The following PPP6C variants were observed in gnomAD, a reference collection of about 807,000 sequenced individuals.
PPP6C encodes protein phosphatase 6 catalytic subunit, also known as serine/threonine-protein phosphatase 6 catalytic subunit.
A neutral mutation model predicts 39.8 loss-of-function variants in PPP6C; 11 were observed. That is an observed-to-expected ratio of 0.28 (90% CI 0.17 to 0.46). PPP6C has a LOEUF of 0.46. Among genes scored for constraint, PPP6C ranks in the 20% least tolerant of loss-of-function variants. The pLI is 1.00. For missense variants in PPP6C, 211 were observed against 373.9 expected (o/e 0.56, Z 3.59); for synonymous variants, 129 against 130.3 (o/e 0.99, Z 0.07).
intron 2 of PPP6C, among the ~76,000 whole-genome samples, chr9:125,168,813 G>A (rs930674314): frequency 6.6e-6 from 1 of 150,696 alleles, no homozygotes; most frequent in Admixed American, 6.7e-5. Flanking sequence ...CCAGGCTGGG[G>A]TGCAATGCAT....
At chr9:125,184,032 G>C (rs1353963587) in intron 1 of PPP6C, among the ~76,000 whole-genome samples, 1 of 152,166 alleles carries the variant, frequency 6.6e-6, no homozygotes, top group Non-Finnish European at 1.5e-5. Flanking sequence ...GCCAAGGCAG[G>C]AGAATCACCT....
At chr9:125,175,397 G>T (rs1829274412) in intron 1 of PPP6C, among the ~76,000 whole-genome samples, 1 of 152,052 alleles carries the variant, frequency 6.6e-6, no homozygotes, top group South Asian at 2.1e-4. Flanking sequence ...CCAGCACTTT[G>T]GGAGGCCGAG....
Position 125,146,584 on chromosome 9 carries a change from G to C in PPP6C, c.*3089C>G, listed in dbSNP as rs1003461106. Reference sequence around the variant, plus strand: ...GTCAAGCAACCAAGTGGAGGAATAAGCATTTTTTAATTTCTTATATAAAAT... The same window carrying C: ...GTCAAGCAACCAAGTGGAGGAATAACCATTTTTTAATTTCTTATATAAAAT... On this transcript the variant is annotated 3_prime_UTR_variant, in exon 7 of 7. Transcript: ENST00000373547. The C allele has an allele frequency of 1.2e-4, 18 of 151,830 alleles. No individual in the cohort carries two copies. Among genetic ancestry groups the C allele is most frequent in the African/African-American group, 3.6e-4 (15 of 41,336 alleles). The allele number at this position is 151,830 out of a possible 1,614,324, so 9.4% of individuals were successfully genotyped here. A position where few individuals can be genotyped will look rare whatever the true frequency, so the allele number is the denominator to read the frequency against.
At chr9:125,171,481 ATATAT>A (rs1829160289) in intron 1 of PPP6C, among the ~76,000 whole-genome samples, 1 of 22,544 alleles carries the variant, frequency 4.4e-5, no homozygotes, top group African/African-American at 1.8e-4. Context: ...ACACACACAT[ATATAT>A]ATATATATAT....
At chr9:125,177,233 G>A (rs1196407393) in intron 1 of PPP6C, among the ~76,000 whole-genome samples, 1 of 152,120 alleles carries the variant, frequency 6.6e-6, no homozygotes, top group African/African-American at 2.4e-5. Context: ...AATTAGCCGG[G>A]CGTGGTGGCG....
chr9:125,178,934 G>T (rs1206189311), intron 1 of PPP6C, among the ~76,000 whole-genome samples: 3 of 152,094 alleles, frequency 2.0e-5, no homozygotes, highest in African/African-American at 7.2e-5. Flanking sequence ...TTATCTGCAG[G>T]CCAGGCATGG....
At chr9:125,152,128 G>GA (rs1835963545) in intron 6 of PPP6C, among the ~76,000 whole-genome samples, 1 of 151,410 alleles carries the variant, frequency 6.6e-6, no homozygotes, top group South Asian at 2.1e-4. Flanking sequence ...GGGGGTGGTT[G>GA]AGGGGGGAGG....
chr9:125,168,665 G>A (rs1019214823), intron 2 of PPP6C, among the ~76,000 whole-genome samples: 2 of 151,692 alleles, frequency 1.3e-5, no homozygotes, highest in African/African-American at 4.8e-5. Flanking sequence ...CACCATATTT[G>A]CCAGGATGGT....
At chr9:125,167,451 T>G (rs111347393) in intron 2 of PPP6C, among the ~76,000 whole-genome samples, 1 of 144,004 alleles carries the variant, frequency 6.9e-6, no homozygotes, top group East Asian at 2.1e-4. Context: ...TCCCAGCACT[T>G]TGGGAGGCCG....
chr9:125,184,948 T>C (rs78929497), intron 1 of PPP6C, among the ~76,000 whole-genome samples: 3,020 of 120,834 alleles, frequency 0.025, 107 homozygotes, highest in African/African-American at 0.09. Flanking sequence ...GCCTGGGCAA[T>C]AGAGTTAGAT....
At chr9:125,164,690 G>A (rs1021808003) in intron 2 of PPP6C, among the ~76,000 whole-genome samples, 2 of 152,134 alleles carry the variant, frequency 1.3e-5, no homozygotes, top group Admixed American at 6.5e-5. Context: ...TCCCACCTCA[G>A]CCTCCTGAGT....
At position 125,189,792 on chromosome 9, in the gene PPP6C, A is replaced by G. The variant is rs866520303; in HGVS notation, c.-74T>C. The G allele has an allele frequency of 1.1e-5, 17 of 1,499,164 alleles. No individual in the cohort carries two copies. In the Middle Eastern group the frequency reaches 3.0e-3, roughly 268 times the overall value. 92.9% of individuals were successfully genotyped at this position (1,499,164 alleles called of 1,614,324 possible). On this transcript the variant is annotated 5_prime_UTR_variant, in exon 1 of 7. Coordinates refer to ENST00000373547, the MANE Select transcript of PPP6C (RefSeq NM_002721.5). ...CGGCGGCGGCAGCGGCGGAGGCCGA[A>G]GCCGGAACTTTCCCTGCGTCACGTC...
chr9:125,163,069 A>G (rs1828922463), intron 2 of PPP6C, among the ~76,000 whole-genome samples: 1 of 151,848 alleles, frequency 6.6e-6, no homozygotes, highest in African/African-American at 2.4e-5. Context: ...ACACAGCAAG[A>G]CTCTGTCTCA....
At chr9:125,172,518 A>G (rs1341168567) in intron 1 of PPP6C, among the ~76,000 whole-genome samples, 1 of 152,134 alleles carries the variant, frequency 6.6e-6, no homozygotes, top group Non-Finnish European at 1.5e-5. Flanking sequence ...GTGTTTACAC[A>G]TTCTTGAAAT....
At chr9:125,189,093 G>A (rs1829602615) in intron 1 of PPP6C, 3 of 611,940 alleles carry the variant, frequency 4.9e-6, no homozygotes, top group Admixed American at 2.5e-5. Flanking sequence ...GCAATTTGGA[G>A]GAGTGGCAAT....
At position 125,153,690 on chromosome 9, in the gene PPP6C, T is replaced by C. The variant is rs770670917; in HGVS notation, c.512A>G (p.Lys171Arg). 3.7e-6 allele frequency: 6 copies of C among 1,614,060 alleles called. No individual in the cohort carries two copies. Among genetic ancestry groups the C allele is most frequent in the East Asian group, 2.2e-5 (1 of 44,898 alleles). The change falls in exon 6 of 7, where the codon AAA becomes AGA. Residue 171 changes from lysine to arginine, a missense_variant. Around this residue, in one of 2 missense-constraint regions of PPP6C, gnomAD observed 168 missense variants for 342.6 expected, o/e 0.49. Coordinates refer to ENST00000373547, the MANE Select transcript of PPP6C (RefSeq NM_002721.5). Reference protein sequence around the residue: ...CVHGGLSPDIKTLDQIRTIER... With the variant: ...CVHGGLSPDIRTLDQIRTIER... ...GATGGTTCGAATTTGATCCAGTGTT[T>C]TGATATCAGGAGATAAACCACCATG...
Position 125,168,722 on chromosome 9 carries a change from G to A in PPP6C, c.171+2363C>T, listed in dbSNP as rs1221457203. 5.9e-5 allele frequency among the ~76,000 whole-genome samples: 9 copies of A among 151,910 alleles called. No homozygotes were observed. In the South Asian group the frequency reaches 6.2e-4, roughly 11 times the overall value. On this transcript the variant is annotated intron_variant, in intron 2 of 6. Transcript: ENST00000373547. ...TCCACCCACCTCAGCCTCCCAAAGT[G>A]CTGGGATTACAGGCATGAGCCACCA... is the stretch of plus-strand genomic sequence containing the variant.
At chr9:125,153,804 T>C in intron 5 of PPP6C, 62 bp from the exon 6 acceptor site, 1 of 1,542,990 alleles carries the variant, frequency 6.5e-7, no homozygotes, top group Non-Finnish European at 8.9e-7. Flanking sequence ...AACTCATCAG[T>C]GAATACTAAA....
At chr9:125,156,964 C>T (rs1836092042) in intron 4 of PPP6C, among the ~76,000 whole-genome samples, 1 of 152,094 alleles carries the variant, frequency 6.6e-6, no homozygotes, top group African/African-American at 2.4e-5. Context: ...CAGGCCCCCA[C>T]CACCATGCCC....
Sources: gnomAD v4.1 joint callset for allele counts (sites outside exome capture counted in the v4.1 genomes callset) on GRCh38, gnomAD v4.1.1 for gene constraint, gnomAD v4.1.1 regional missense constraint, MANE v1.5 for transcripts, NCBI Gene and HGNC (gene_info 2026-07-23, HGNC 2026-07-21) for gene names.